RNF24: variants seen among roughly 807,000 people sequenced by gnomAD.
RNF24 encodes the protein ring finger protein 24.
Under a neutral mutation model 20.0 loss-of-function variants are expected in RNF24, and 14 were observed. The ratio of observed to expected loss-of-function variants is 0.70; its 90% CI spans 0.46 to 1.10. The LOEUF (loss-of-function observed/expected upper bound fraction) is 1.10, where lower values mean the gene tolerates loss of function less well. Among genes scored for constraint, RNF24 ranks in the 50% least tolerant of loss-of-function variants. RNF24 has a pLI of 0.00. For synonymous variants in RNF24, 45 were observed against 61.1 expected, an observed-to-expected ratio of 0.74 and a Z score of 1.23; for missense variants, 124 against 177.6, an observed-to-expected ratio of 0.70 and a Z score of 1.71.
intron 1 of RNF24, among the ~76,000 whole-genome samples, chr20:4,011,112 C>A (rs1039138451): frequency 4.6e-5 from 7 of 152,128 alleles, no homozygotes; most frequent in Admixed American, 1.3e-4. Context: ...CAGGGATAAA[C>A]TGAAGATCCT....
intron 1 of RNF24, among the ~76,000 whole-genome samples, chr20:3,966,742 G>A (rs1490063355): frequency 6.6e-6 from 1 of 152,156 alleles, no homozygotes; most frequent in African/African-American, 2.4e-5. Context: ...TAGGAGTGAG[G>A]CCAGTGGTGT....
At chr20:4,001,773 A>C (rs1182842090) in intron 1 of RNF24, among the ~76,000 whole-genome samples, 1 of 152,014 alleles carries the variant, frequency 6.6e-6, no homozygotes, top group Non-Finnish European at 1.5e-5. Context: ...TCATCTCTAT[A>C]AAACTTAAAA....
intron 1 of RNF24, among the ~76,000 whole-genome samples, chr20:3,971,095 G>T (rs1478157786): frequency 1.3e-5 from 2 of 152,012 alleles, no homozygotes; most frequent in Non-Finnish European, 2.9e-5. Context: ...CTTTGCAGAG[G>T]TAATTGAGTT....
chr20:3,981,190 T>C (rs1260107168), intron 1 of RNF24, among the ~76,000 whole-genome samples: 1 of 152,122 alleles, frequency 6.6e-6, no homozygotes, highest in Middle Eastern at 3.2e-3. Flanking sequence ...AAGAAATTGA[T>C]GGTTTCATGA....
At chr20:3,963,770 A>T in intron 2 of RNF24, 105 bp downstream of exon 2, 1 of 894,678 alleles carries the variant, frequency 1.1e-6, no homozygotes, top group Non-Finnish European at 1.7e-6. Context: ...ATTTTTTAAA[A>T]ATTTGCCAAT....
At chr20:4,012,270 A>G (rs1281851168) in intron 1 of RNF24, among the ~76,000 whole-genome samples, 1 of 152,160 alleles carries the variant, frequency 6.6e-6, no homozygotes, top group African/African-American at 2.4e-5. Context: ...AAAAAAAATT[A>G]GCCAGGCGTG....
intron 1 of RNF24, among the ~76,000 whole-genome samples, chr20:3,968,485 G>A (rs138395606): frequency 5.3e-4 from 80 of 152,254 alleles, no homozygotes; most frequent in East Asian, 3.9e-4. Flanking sequence ...GGGCATGGTG[G>A]CATGTGCTTG....
chr20:3,938,158 A>T (rs1397097448), intron 4 of RNF24, among the ~76,000 whole-genome samples: 1 of 152,204 alleles, frequency 6.6e-6, no homozygotes, highest in Non-Finnish European at 1.5e-5. Context: ...TAATGGGTGT[A>T]AATGGGTCAT....
At chr20:3,945,377 A>G (rs886681883) in intron 3 of RNF24, among the ~76,000 whole-genome samples, 159 bp from the exon 4 acceptor site, 2 of 152,154 alleles carry the variant, frequency 1.3e-5, no homozygotes, top group Non-Finnish European at 2.9e-5. Context: ...AGATCATTTT[A>G]GCAACATTTT....
intron 1 of RNF24, among the ~76,000 whole-genome samples, chr20:3,997,379 C>T (rs1980969706): frequency 6.6e-6 from 1 of 151,810 alleles, no homozygotes; most frequent in South Asian, 2.1e-4. Context: ...ATTCACAGAC[C>T]ATTTAGAATA....
At chr20:4,000,837 G>A (rs1222639084) in intron 1 of RNF24, among the ~76,000 whole-genome samples, 1 of 152,172 alleles carries the variant, frequency 6.6e-6, no homozygotes, top group Non-Finnish European at 1.5e-5. Flanking sequence ...CCCATTTTGA[G>A]GCTAAATAGT....
chr20:4,004,160 A>C (rs1179420617), intron 1 of RNF24, among the ~76,000 whole-genome samples: 1 of 152,146 alleles, frequency 6.6e-6, no homozygotes, highest in African/African-American at 2.4e-5. Flanking sequence ...CTATCTGCAC[A>C]TCCCAGGCTA....
intron 1 of RNF24, among the ~76,000 whole-genome samples, chr20:3,981,706 T>C (rs1202764450): frequency 6.6e-6 from 1 of 152,164 alleles, no homozygotes; most frequent in African/African-American, 2.4e-5. Flanking sequence ...ACATTACATA[T>C]GAATTAGCAT....
rs1600602963 is a variant in RNF24, at chr20:3,929,716, A to T, written c.*4347T>A. ...GAGGCCTGTGCCACTGCTGTCAGCT[A>T]CAGAGCCTGATCTTGAGCATCCTGT... On this transcript the variant is annotated 3_prime_UTR_variant, in exon 6 of 6. Coordinates refer to ENST00000358395, the MANE Select transcript of RNF24 (RefSeq NM_001134337.3). 1 of 152,390 alleles carries T rather than the reference A, an allele frequency of 6.6e-6. No homozygotes were observed. The highest frequency in any genetic ancestry group is 1.9e-4 in the East Asian group (1 of 5,182). The allele number at this position is 152,390 out of a possible 1,614,324, so 9.4% of individuals were successfully genotyped here. A position where few individuals can be genotyped will look rare whatever the true frequency, so the allele number is the denominator to read the frequency against.
At chr20:4,008,413 T>G (rs1184468516) in intron 1 of RNF24, among the ~76,000 whole-genome samples, 1 of 43,252 alleles carries the variant, frequency 2.3e-5, no homozygotes, top group South Asian at 7.8e-4. Flanking sequence ...ATGTATAATA[T>G]ATATATTATA....
intron 2 of RNF24, among the ~76,000 whole-genome samples, chr20:3,958,468 C>G (rs1302207552): frequency 6.6e-6 from 1 of 152,188 alleles, no homozygotes; most frequent in African/African-American, 2.4e-5. Context: ...TAGCCTCTAC[C>G]ATCCCTTTCC....
intron 1 of RNF24, among the ~76,000 whole-genome samples, chr20:4,013,583 G>A (rs1387895771): frequency 6.6e-6 from 1 of 151,566 alleles, no homozygotes; most frequent in African/African-American, 2.4e-5. Flanking sequence ...GGGAGTTCAA[G>A]CGATTCTCCT....
intron 1 of RNF24, among the ~76,000 whole-genome samples, chr20:3,985,430 T>A (rs987686195): frequency 2.6e-5 from 4 of 152,104 alleles, no homozygotes; most frequent in African/African-American, 9.7e-5. Flanking sequence ...TTCCTTTTAA[T>A]AGCCTTTGTG....
chr20:3,989,008 C>T (rs1980171226), intron 1 of RNF24, among the ~76,000 whole-genome samples: 1 of 152,030 alleles, frequency 6.6e-6, no homozygotes, highest in South Asian at 2.1e-4. Context: ...CTAAAATACC[C>T]TCTTCTTGGT....
Sources: gnomAD v4.1 joint callset for allele counts (sites outside exome capture counted in the v4.1 genomes callset) on GRCh38, gnomAD v4.1.1 for gene constraint, MANE v1.5 for transcripts, NCBI Gene and HGNC (gene_info 2026-07-23, HGNC 2026-07-21) for gene names.